The following RNF150 variants were observed in gnomAD, a reference collection of about 807,000 sequenced individuals.
The protein encoded by RNF150 is ring finger protein 150.
A neutral mutation model predicts 39.3 loss-of-function variants in RNF150; 24 were observed. That is an observed-to-expected ratio of 0.61 (90% CI 0.44 to 0.86). RNF150 has a LOEUF of 0.86. Among genes scored for constraint, RNF150 ranks in the 40% least tolerant of loss-of-function variants. RNF150 has a pLI of 0.00. For missense variants in RNF150, 502 were observed against 587.8 expected (o/e 0.85, Z 1.51); for synonymous variants, 255 against 227.3 (o/e 1.12, Z -1.10).
At chr4:141,000,089 GAAGAAGAAGAAGAA>G in intron 1 of RNF150, among the ~76,000 whole-genome samples, 3 of 112,296 alleles carry the variant, frequency 2.7e-5, no homozygotes, top group Admixed American at 9.9e-5. Flanking sequence ...AGAAGAAGGA[GAAGAAGAAGAAGAA>G]GAAGAGGAGG....
At chr4:141,029,986 G>A (rs1735871460) in intron 1 of RNF150, among the ~76,000 whole-genome samples, 1 of 152,064 alleles carries the variant, frequency 6.6e-6, no homozygotes, top group Non-Finnish European at 1.5e-5. Context: ...CACAAGGTCA[G>A]GAGATGGAGA....
At chr4:140,930,015 G>T (rs1489569917) in intron 4 of RNF150, among the ~76,000 whole-genome samples, 1 of 152,126 alleles carries the variant, frequency 6.6e-6, no homozygotes, top group African/African-American at 2.4e-5. Context: ...GCAAAAACTA[G>T]CTGGGCGTGG....
At chr4:141,167,012 T>C (rs1383206227) in intron 1 of RNF150, among the ~76,000 whole-genome samples, 1 of 152,162 alleles carries the variant, frequency 6.6e-6, no homozygotes, top group Non-Finnish European at 1.5e-5. Context: ...TTGTCTCTGT[T>C]TGCAGATGAC....
chr4:141,013,422 G>A (rs1228897533), intron 1 of RNF150, among the ~76,000 whole-genome samples: 1 of 152,198 alleles, frequency 6.6e-6, no homozygotes, highest in Non-Finnish European at 1.5e-5. Flanking sequence ...ATTTACAAAT[G>A]AGGAAACTGA....
chr4:140,926,145 C>T (rs113588058), intron 4 of RNF150, 72 bp from the exon 5 acceptor site: 3 of 1,097,140 alleles, frequency 2.7e-6, no homozygotes, highest in African/African-American at 1.5e-5. Context: ...GGCCCAGGGA[C>T]TCGTCCAAGG....
At chr4:141,081,086 T>C (rs925183191) in intron 1 of RNF150, among the ~76,000 whole-genome samples, 1 of 152,202 alleles carries the variant, frequency 6.6e-6, no homozygotes, top group African/African-American at 2.4e-5. Flanking sequence ...CACTGTCAGA[T>C]GCAAGCATCC....
intron 6 of RNF150, among the ~76,000 whole-genome samples, chr4:140,906,974 C>A (rs1377742148): frequency 1.3e-5 from 2 of 152,252 alleles, no homozygotes; most frequent in African/African-American, 4.8e-5. Flanking sequence ...CCCACCCCCG[C>A]GAGATGTGGA....
intron 1 of RNF150, among the ~76,000 whole-genome samples, chr4:141,061,388 C>T (rs559500876): frequency 6.6e-6 from 1 of 152,202 alleles, no homozygotes; most frequent in African/African-American, 2.4e-5. Flanking sequence ...AAAAGGAATG[C>T]TTGGAAGCAG....
intron 1 of RNF150, among the ~76,000 whole-genome samples, chr4:140,978,108 T>C (rs192883784): frequency 3.9e-5 from 6 of 152,260 alleles, no homozygotes; most frequent in South Asian, 2.1e-4. Flanking sequence ...AGCAACCAAA[T>C]TGATAACCTG....
intron 6 of RNF150, among the ~76,000 whole-genome samples, chr4:140,877,504 C>T: frequency 6.6e-6 from 1 of 152,254 alleles, no homozygotes; most frequent in South Asian, 2.1e-4. Context: ...ATTTCTGCAA[C>T]CGTATAAAAT....
At position 140,947,054 on chromosome 4, in the gene RNF150, GA is replaced by G. The variant is rs1399632535; in HGVS notation, c.890+599del. ...TCAGTGAATTTCAATTAGGGAGAGGGAATAGGGTTATATAAGAATCACCTGG... is the reference window on the plus strand; with the variant it reads ...TCAGTGAATTTCAATTAGGGAGAGGGATAGGGTTATATAAGAATCACCTGG... On this transcript the variant is annotated intron_variant, in intron 4 of 6. Transcript: ENST00000515673. Among the ~76,000 whole-genome samples the G allele has an allele frequency of 2.0e-5, 3 of 151,896 alleles. No homozygotes were observed. The East Asian group carries it at 5.8e-4, about 29-fold the overall frequency.
intron 1 of RNF150, among the ~76,000 whole-genome samples, chr4:141,212,093 T>TGGAGGA (rs1728477990): frequency 1.3e-5 from 2 of 152,192 alleles, no homozygotes; most frequent in East Asian, 3.9e-4. Flanking sequence ...AGACAATATC[T>TGGAGGA]CACTGAATAA....
chr4:140,914,902 G>A (rs897829083), intron 5 of RNF150, among the ~76,000 whole-genome samples: 3 of 152,140 alleles, frequency 2.0e-5, no homozygotes, highest in African/African-American at 7.2e-5. Context: ...GACTTTCGAT[G>A]TATTTGTCTT....
At chr4:140,891,035 G>A (rs955045660) in intron 6 of RNF150, among the ~76,000 whole-genome samples, 83 of 152,288 alleles carry the variant, frequency 5.5e-4, no homozygotes, top group African/African-American at 1.9e-3. Flanking sequence ...TATAATGATA[G>A]CTAGTCACCT....
At chr4:140,953,318 T>C (rs1337357128) in intron 2 of RNF150, among the ~76,000 whole-genome samples, 1 of 152,218 alleles carries the variant, frequency 6.6e-6, no homozygotes, top group Non-Finnish European at 1.5e-5. Flanking sequence ...GTGACATTCG[T>C]TGAGTCAAGC....
At chr4:141,207,609 G>T (rs1318629466) in intron 1 of RNF150, among the ~76,000 whole-genome samples, 3 of 150,474 alleles carry the variant, frequency 2.0e-5, no homozygotes, top group African/African-American at 7.5e-5. Flanking sequence ...TCTTCTCCAC[G>T]ACATCCAATC....
At chr4:141,172,940 C>T (rs1369897814) in intron 1 of RNF150, among the ~76,000 whole-genome samples, 1 of 152,006 alleles carries the variant, frequency 6.6e-6, no homozygotes, top group African/African-American at 2.4e-5. Flanking sequence ...GCAGGAGAAT[C>T]GCTTGAACCC....
Position 140,909,595 on chromosome 4 carries a change from G to A in RNF150, c.1198+1549C>T, listed in dbSNP as rs1362913415. Among the ~76,000 whole-genome samples, 9 of 152,152 alleles carry A rather than the reference G, an allele frequency of 5.9e-5. No homozygotes were observed. The East Asian group carries it at 1.7e-3, about 29-fold the overall frequency. On this transcript the variant is annotated intron_variant, in intron 6 of 6. Coordinates refer to ENST00000515673, the MANE Select transcript of RNF150 (RefSeq NM_020724.2). ...AAATGTAAAATATTTTGGATATACA[G>A]GGTTAAGTAAAAATATATTATTAAA...
At chr4:141,171,607 A>T (rs1055379291) in intron 1 of RNF150, among the ~76,000 whole-genome samples, 1 of 152,186 alleles carries the variant, frequency 6.6e-6, no homozygotes, top group East Asian at 1.9e-4. Context: ...TTCTCTAGGC[A>T]CAGGGATGAA....
Sources: gnomAD v4.1 joint callset for allele counts (sites outside exome capture counted in the v4.1 genomes callset) on GRCh38, gnomAD v4.1.1 for gene constraint, MANE v1.5 for transcripts, NCBI Gene and HGNC (gene_info 2026-07-23, HGNC 2026-07-21) for gene names.